Variants in KCNMB2 observed in about 807,000 individuals in gnomAD.
The protein encoded by KCNMB2 is potassium calcium-activated channel subfamily M regulatory beta subunit 2.
KCNMB2 carries 9 observed loss-of-function variants against 24.5 expected under a neutral mutation model. That is an observed-to-expected ratio of 0.37 (90% CI 0.22 to 0.64). The LOEUF (loss-of-function observed/expected upper bound fraction) is 0.64. Ranked by LOEUF, KCNMB2 falls within the 30% of genes least tolerant of loss-of-function variation. The pLI is 0.63. For missense variants in KCNMB2, 226 were observed against 284.3 expected, an observed-to-expected ratio of 0.79 and a Z score of 1.47; for synonymous variants, 109 against 104.4, an observed-to-expected ratio of 1.04 and a Z score of -0.27.
chr3:178,809,293 T>C (rs908763937), intron 2 of KCNMB2, among the ~76,000 whole-genome samples: 1 of 152,290 alleles, frequency 6.6e-6, no homozygotes, highest in Non-Finnish European at 1.5e-5. Flanking sequence ...GCAAGCGAAG[T>C]GTAATATATT....
At chr3:178,827,286 G>A (rs996416197) in intron 3 of KCNMB2, among the ~76,000 whole-genome samples, 1 of 151,186 alleles carries the variant, frequency 6.6e-6, no homozygotes, top group Non-Finnish European at 1.5e-5. Context: ...ATCCTTCCAG[G>A]TGAGAGATAA....
intron 1 of KCNMB2, among the ~76,000 whole-genome samples, chr3:178,589,997 A>T (rs1412854750): frequency 1.3e-5 from 2 of 152,238 alleles, no homozygotes; most frequent in Non-Finnish European, 2.9e-5. Flanking sequence ...CCTACTGTGT[A>T]AGACGAAATC....
chr3:178,597,324 T>A (rs899847839), intron 1 of KCNMB2, among the ~76,000 whole-genome samples: 2 of 152,160 alleles, frequency 1.3e-5, no homozygotes, highest in Non-Finnish European at 2.9e-5. Context: ...TACAGCTCAA[T>A]AACCATTACA....
Position 178,536,528 on chromosome 3 carries a change from T to G in KCNMB2, c.-251T>G, listed in dbSNP as rs1455972004. On this transcript the variant is annotated 5_prime_UTR_variant, in exon 1 of 5. Transcript: ENST00000452583. ...ACTCCTATTGTCCTTCCAAACTCTT[T>G]CAGACATTTTGAGCAGGGAGTATTA... 1 of 152,196 alleles carries G rather than the reference T, an allele frequency of 6.6e-6. No homozygotes were observed. Among genetic ancestry groups the G allele is most frequent in the Non-Finnish European group, 1.5e-5 (1 of 68,036 alleles). The allele number at this position is 152,196 out of a possible 1,614,324, so 9.4% of individuals were successfully genotyped here. A position where few individuals can be genotyped will look rare whatever the true frequency, so the allele number is the denominator to read the frequency against.
intron 1 of KCNMB2, among the ~76,000 whole-genome samples, chr3:178,680,437 CT>C (rs1016759328): frequency 6.6e-6 from 1 of 151,970 alleles, no homozygotes; most frequent in Admixed American, 6.6e-5. Context: ...TTATCCAAAC[CT>C]TTTTTTTCTT....
chr3:178,671,310 C>G (rs761777178), intron 1 of KCNMB2, among the ~76,000 whole-genome samples: 22 of 152,120 alleles, frequency 1.4e-4, no homozygotes, highest in Non-Finnish European at 2.2e-4. Flanking sequence ...ACAAGAAAAA[C>G]CACTTTTCAG....
intron 1 of KCNMB2, among the ~76,000 whole-genome samples, chr3:178,768,702 C>T (rs1712223757): frequency 6.6e-6 from 1 of 152,172 alleles, no homozygotes; most frequent in Admixed American, 6.5e-5. Flanking sequence ...CTGCCCATTT[C>T]TAGAGAGAGG....
At chr3:178,678,791 A>G (rs1721160273) in intron 1 of KCNMB2, among the ~76,000 whole-genome samples, 1 of 152,222 alleles carries the variant, frequency 6.6e-6, no homozygotes, top group Non-Finnish European at 1.5e-5. Flanking sequence ...CGTGGGGAGC[A>G]TGTAGTATTC....
chr3:178,577,933 A>C (rs1320578189), intron 1 of KCNMB2, among the ~76,000 whole-genome samples: 1 of 152,222 alleles, frequency 6.6e-6, no homozygotes, highest in East Asian at 1.9e-4. Context: ...GGGAGAATGG[A>C]ACCAAGTTGG....
intron 1 of KCNMB2, among the ~76,000 whole-genome samples, chr3:178,729,926 A>G (rs1441777290): frequency 1.3e-5 from 2 of 152,196 alleles, no homozygotes; most frequent in Non-Finnish European, 2.9e-5. Context: ...CTACATGCCC[A>G]CTGCTGGTTG....
chr3:178,803,553 G>T (rs1713852229), intron 1 of KCNMB2, among the ~76,000 whole-genome samples: 1 of 152,198 alleles, frequency 6.6e-6, no homozygotes, highest in Admixed American at 6.5e-5. Context: ...TACAGCCAGT[G>T]TGTTACTATG....
chr3:178,800,372 C>G (rs1713727955), intron 1 of KCNMB2, among the ~76,000 whole-genome samples: 1 of 152,026 alleles, frequency 6.6e-6, no homozygotes, highest in Non-Finnish European at 1.5e-5. Flanking sequence ...GGCAACAGTT[C>G]TGAATAGACA....
chr3:178,724,269 AT>A (rs34351790), intron 1 of KCNMB2, among the ~76,000 whole-genome samples: 20,428 of 151,854 alleles, frequency 0.13, 1,514 homozygotes, highest in African/African-American at 0.17. Context: ...GATGCTGAGC[AT>A]TTTTTCACAT....
intron 1 of KCNMB2, among the ~76,000 whole-genome samples, chr3:178,701,413 T>C (rs1722089688): frequency 6.6e-6 from 1 of 152,226 alleles, no homozygotes; most frequent in Non-Finnish European, 1.5e-5. Flanking sequence ...TTTGTTCCTT[T>C]GGCTTAGGAT....
At chr3:178,771,911 G>C (rs2108422014) in intron 1 of KCNMB2, among the ~76,000 whole-genome samples, 1 of 151,732 alleles carries the variant, frequency 6.6e-6, no homozygotes, top group South Asian at 2.1e-4. Context: ...ACTTCATGGA[G>C]AGATCCCTTA....
intron 1 of KCNMB2, among the ~76,000 whole-genome samples, chr3:178,771,866 T>C (rs533296396): frequency 6.6e-6 from 1 of 152,066 alleles, no homozygotes. Context: ...AGATTCCTTA[T>C]CTCTTTATCT....
intron 1 of KCNMB2, among the ~76,000 whole-genome samples, chr3:178,602,371 G>C (rs144053188): frequency 6.6e-6 from 1 of 152,036 alleles, no homozygotes; most frequent in Non-Finnish European, 1.5e-5. Context: ...TTCTGATTTA[G>C]TTAATAGCTT....
chr3:178,839,635 G>A (rs756748830), intron 4 of KCNMB2, among the ~76,000 whole-genome samples: 2 of 152,108 alleles, frequency 1.3e-5, no homozygotes, highest in South Asian at 4.1e-4. Flanking sequence ...AAGGCAAAGG[G>A]GAAGCAAGGC....
intron 1 of KCNMB2, among the ~76,000 whole-genome samples, chr3:178,588,345 GGA>G (rs1190975389): frequency 2.6e-5 from 4 of 152,076 alleles, no homozygotes; most frequent in Non-Finnish European, 5.9e-5. Context: ...TCAACTAGTG[GGA>G]GATTAACAAT....
Sources: gnomAD v4.1 joint callset for allele counts (sites outside exome capture counted in the v4.1 genomes callset) on GRCh38, gnomAD v4.1.1 for gene constraint, MANE v1.5 for transcripts, NCBI Gene and HGNC (gene_info 2026-07-23, HGNC 2026-07-21) for gene names.